EYS: variants seen among roughly 807,000 people sequenced by gnomAD.
EYS encodes protein eyes shut homolog.
EYS carries 250 observed loss-of-function variants against 282.1 expected under a neutral mutation model. The observed-to-expected ratio is 0.89, with a 90% CI of 0.80 to 0.98. EYS has a LOEUF of 0.98. Among genes scored for constraint, EYS ranks in the 50% least tolerant of loss-of-function variants. The pLI, the probability that EYS is intolerant of heterozygous loss-of-function variation, is 0.00. For synonymous variants in EYS, 1,355 were observed against 1,282.9 expected (o/e 1.06, Z -1.20); for missense variants, 4,016 against 3,709.0 (o/e 1.08, Z -2.15).
chr6:65,355,571 A>G (rs1169670407), intron 8 of EYS, among the ~76,000 whole-genome samples: 1 of 152,074 alleles, frequency 6.6e-6, no homozygotes, highest in Non-Finnish European at 1.5e-5. Flanking sequence ...CAAATTATGC[A>G]TCCAACAGGG....
chr6:64,147,556 A>C (rs1774561776), intron 31 of EYS, among the ~76,000 whole-genome samples: 1 of 152,180 alleles, frequency 6.6e-6, no homozygotes, highest in African/African-American at 2.4e-5. Context: ...AGGGAAGTCC[A>C]TTGCCTAATG....
intron 36 of EYS, 67 bp downstream of exon 36, chr6:63,864,119 T>G: frequency 3.7e-6 from 5 of 1,341,176 alleles, no homozygotes; most frequent in Non-Finnish European, 3.9e-6. Flanking sequence ...TTGATTCATC[T>G]GAGTGATTTC....
At position 64,160,392 on chromosome 6, in the gene EYS, A is replaced by G. The variant is rs141199984; in HGVS notation, c.6424+70200T>C. Among the ~76,000 whole-genome samples the G allele has an allele frequency of 5.6e-3, 848 of 152,298 alleles. 9 individuals are homozygous for G. The highest frequency in any genetic ancestry group is 0.019 in the South Asian group (91 of 4,826). On this transcript the variant is annotated intron_variant, in intron 31 of 42. Transcript: ENST00000503581. ...TGTATCATTTTTTTCTTAAGAAATT[A>G]TATCGATTCCTATTGAACACCAGAT...
intron 2 of EYS, among the ~76,000 whole-genome samples, chr6:65,545,416 A>G (rs1768348335): frequency 6.6e-6 from 1 of 152,102 alleles, no homozygotes; most frequent in Non-Finnish European, 1.5e-5. Flanking sequence ...GATTTTATGG[A>G]GCTTGATATG....
At chr6:65,576,669 T>G (rs1047981889) in intron 2 of EYS, among the ~76,000 whole-genome samples, 16 of 151,794 alleles carry the variant, frequency 1.1e-4, no homozygotes, top group African/African-American at 3.9e-4. Flanking sequence ...TAATCTTATA[T>G]ATAGAAAACC....
intron 22 of EYS, among the ~76,000 whole-genome samples, chr6:64,636,236 A>G (rs958003174): frequency 3.3e-5 from 5 of 152,220 alleles, no homozygotes; most frequent in Non-Finnish European, 7.3e-5. Context: ...TAGTACCAAA[A>G]CAGAGATATA....
At chr6:63,836,238 T>C (rs542858270) in intron 36 of EYS, among the ~76,000 whole-genome samples, 2 of 152,160 alleles carry the variant, frequency 1.3e-5, no homozygotes, top group South Asian at 2.1e-4. Flanking sequence ...TTTGAAAGTA[T>C]TTTGCTAAGT....
chr6:64,752,724 A>C (rs888947700), intron 22 of EYS, among the ~76,000 whole-genome samples: 1 of 152,172 alleles, frequency 6.6e-6, no homozygotes, highest in Non-Finnish European at 1.5e-5. Context: ...TAAAGTCAAC[A>C]TGAAGGAAAA....
intron 35 of EYS, among the ~76,000 whole-genome samples, chr6:63,915,116 G>A (rs958483712): frequency 2.6e-5 from 4 of 152,172 alleles, no homozygotes; most frequent in African/African-American, 9.7e-5. Context: ...GACTTTCTAA[G>A]CTAGACAGAA....
intron 26 of EYS, among the ~76,000 whole-genome samples, chr6:64,558,986 A>G (rs1439958558): frequency 6.6e-6 from 1 of 152,168 alleles, no homozygotes; most frequent in Non-Finnish European, 1.5e-5. Context: ...CCCACAATAT[A>G]ACTTGTTAAC....
At chr6:65,065,081 G>T (rs951019473) in intron 12 of EYS, among the ~76,000 whole-genome samples, 2 of 152,112 alleles carry the variant, frequency 1.3e-5, no homozygotes, top group Non-Finnish European at 2.9e-5. Context: ...CTCTTTCTTT[G>T]TGACTAAGAA....
intron 2 of EYS, among the ~76,000 whole-genome samples, chr6:65,509,157 G>T (rs1309785399): frequency 6.6e-6 from 1 of 152,208 alleles, no homozygotes; most frequent in East Asian, 1.9e-4. Flanking sequence ...TTCGTTGATT[G>T]GATGACAGAA....
intron 31 of EYS, among the ~76,000 whole-genome samples, chr6:64,167,254 A>G (rs192032481): frequency 8.5e-4 from 129 of 152,356 alleles, no homozygotes; most frequent in African/African-American, 3.0e-3. Context: ...GGTACCTATG[A>G]TATGAAATTA....
chr6:65,621,037 G>A (rs1044930549), intron 2 of EYS, among the ~76,000 whole-genome samples: 1 of 152,182 alleles, frequency 6.6e-6, no homozygotes, highest in African/African-American at 2.4e-5. Flanking sequence ...CTGTTGATTT[G>A]AGGTGGAGAG....
At chr6:64,633,973 C>T (rs1767881609) in intron 22 of EYS, among the ~76,000 whole-genome samples, 1 of 152,080 alleles carries the variant, frequency 6.6e-6, no homozygotes, top group Middle Eastern at 3.4e-3. Context: ...ATGACAAATG[C>T]TTGTGTTTGT....
intron 35 of EYS, among the ~76,000 whole-genome samples, chr6:63,951,744 G>A (rs1468653868): frequency 1.3e-5 from 2 of 149,586 alleles, no homozygotes; most frequent in East Asian, 3.9e-4. Context: ...GGTGGCTGGA[G>A]CTAAAGGTAT....
At chr6:64,745,030 T>C (rs1363728689) in intron 22 of EYS, among the ~76,000 whole-genome samples, 2 of 152,190 alleles carry the variant, frequency 1.3e-5, no homozygotes, top group Non-Finnish European at 2.9e-5. Flanking sequence ...AAACAGTGTG[T>C]CATGCACCCT....
Position 64,346,558 on chromosome 6 carries a change from G to T in EYS, c.6079-39476C>A, listed in dbSNP as rs766552725. Among the ~76,000 whole-genome samples the T allele has an allele frequency of 6.3e-4, 95 of 151,650 alleles. 1 individual carries two copies. The highest frequency in any genetic ancestry group is 3.7e-3 in the Admixed American group (56 of 15,188). ...CACACACCAGGGATTGTTGTGGGGTGGGGGGAGTGGGGAGGGATAGCATTA... is the reference window on the plus strand; with the variant it reads ...CACACACCAGGGATTGTTGTGGGGTTGGGGGAGTGGGGAGGGATAGCATTA... On this transcript the variant is annotated intron_variant, in intron 29 of 42. Coordinates refer to ENST00000503581, the MANE Select transcript of EYS (RefSeq NM_001142800.2).
intron 28 of EYS, among the ~76,000 whole-genome samples, chr6:64,394,546 A>C (rs1398125400): frequency 6.6e-6 from 1 of 152,178 alleles, no homozygotes; most frequent in Non-Finnish European, 1.5e-5. Flanking sequence ...TTCCCTATTT[A>C]ATAAATGGTG....
Sources: allele counts gnomAD v4.1 joint callset (sites outside exome capture counted in the v4.1 genomes callset), GRCh38; gene constraint gnomAD v4.1.1; transcripts MANE v1.5; gene names NCBI Gene and HGNC (gene_info 2026-07-23, HGNC 2026-07-21).